The following NBPF11 variants were observed in gnomAD, a reference collection of about 807,000 sequenced individuals.
NBPF11 encodes NBPF member 11, also known as NBPF family member NBPF11.
A neutral mutation model predicts 93.9 loss-of-function variants in NBPF11; 72 were observed. The observed-to-expected ratio is 0.77, with a 90% CI of 0.63 to 0.93. NBPF11 has a LOEUF of 0.93. Among genes scored for constraint, NBPF11 ranks in the 40% least tolerant of loss-of-function variants. The pLI is 0.00. For synonymous variants in NBPF11, 224 were observed against 304.9 expected (o/e 0.73, Z 2.76); for missense variants, 705 against 802.2 (o/e 0.88, Z 1.46).
At chr1:148,106,907 G>C (rs1663784284) in intron 20 of NBPF11, 35 bp downstream of exon 20, 5 of 693,124 alleles carry the variant, frequency 7.2e-6, no homozygotes, top group Non-Finnish European at 1.3e-5. Context: ...GGAAGGCCAG[G>C]TGGAGGCTTA....
At chr1:148,127,850 G>T (rs2149255222) in intron 4 of NBPF11, among the ~76,000 whole-genome samples, 1 of 151,762 alleles carries the variant, frequency 6.6e-6, no homozygotes, top group South Asian at 2.1e-4. Flanking sequence ...TAGAGACGGG[G>T]TTTCACTGTG....
intron 4 of NBPF11, among the ~76,000 whole-genome samples, chr1:148,129,320 A>G (rs59159202): frequency 6.8e-6 from 1 of 147,514 alleles, no homozygotes; most frequent in Non-Finnish European, 1.5e-5. Flanking sequence ...TATTATATAT[A>G]TATTTTTTCT....
chr1:148,146,035 A>AT (rs1672949200), intron 1 of NBPF11, among the ~76,000 whole-genome samples: 1 of 152,092 alleles, frequency 6.6e-6, no homozygotes, highest in Non-Finnish European at 1.5e-5. Flanking sequence ...ACAGAAAAGC[A>AT]TATCAATGAA....
Position 148,122,093 on chromosome 1 carries a change from G to A in NBPF11, c.740C>T (p.Ser247Phe). 1 of 1,612,770 alleles carries A rather than the reference G, an allele frequency of 6.2e-7. No individual in the cohort carries two copies. The highest frequency in any genetic ancestry group is 1.1e-5 in the South Asian group (1 of 91,056). ...NSSLVVDRES[S>F]HDGCQDALNI... Reference sequence around the variant, plus strand: ...TAGAGCATCCTGACATCCATCATGAGAGGATTCTCTGTCTACAACCAGAGA... The same window carrying A: ...TAGAGCATCCTGACATCCATCATGAAAGGATTCTCTGTCTACAACCAGAGA... The change falls in exon 9 of 24, where the codon TCT (serine) becomes TTT (phenylalanine). Residue 247 changes from serine (S) to phenylalanine (F), a missense_variant. Coordinates refer to ENST00000682118, the MANE Select transcript of NBPF11 (RefSeq NM_001385469.3).
At chr1:148,123,569 CT>C (rs1668400839) in intron 7 of NBPF11, among the ~76,000 whole-genome samples, 1 of 151,446 alleles carries the variant, frequency 6.6e-6, no homozygotes, top group Admixed American at 6.6e-5. Context: ...AACAAGCGCC[CT>C]CCCATCACAG....
In NBPF11 at chr1:148,110,398, C is replaced by A. The variant is rs1664965074; in HGVS notation, c.1781G>T (p.Cys594Phe). Residue 594 changes from cysteine (C) to phenylalanine (F), a missense_variant, in exon 16 of 24, where the codon TGC (cysteine) becomes TTC (phenylalanine). By Grantham distance (205) the Cys-to-Phe change is radical (BLOSUM62 -2). Coordinates refer to ENST00000682118, the MANE Select transcript of NBPF11 (RefSeq NM_001385469.3). ...TFHSLEEQQV[C>F]MAVDIGRHRW... ...CTCACTGCCTATGTCAACAGCCATG[C>A]AGACTTGCTGTTCCTCTAATGAGTG... 2.5e-6 allele frequency: 4 copies of A among 1,593,222 alleles called. No individual in the cohort carries two copies. In the South Asian group the frequency reaches 4.4e-5, roughly 18 times the overall value.
In NBPF11 at chr1:148,118,307, G is replaced by T. The variant is rs1221545719; in HGVS notation, c.1091+313C>A. On this transcript the variant is annotated intron_variant, in intron 11 of 23. Coordinates refer to ENST00000682118, the MANE Select transcript of NBPF11 (RefSeq NM_001385469.3). ...TCACTAGGGTAAGTGGGGTGGTGAT[G>T]GCACACCATTTTGAGTATACTGAAT... 2.4e-3 allele frequency among the ~76,000 whole-genome samples: 366 copies of T among 152,018 alleles called. 3 individuals are homozygous for T. The highest frequency in any genetic ancestry group is 2.7e-3 in the Non-Finnish European group (183 of 68,012).
Position 148,118,711 on chromosome 1 carries a change from A to G in NBPF11, c.1000T>C (p.Cys334Arg). Reference sequence around the variant, plus strand: ...AGCATAGATTTTATGAGGTCTTTGCACTCTTCATATTCTGAGAAAAGACAG... The same window carrying G: ...AGCATAGATTTTATGAGGTCTTTGCGCTCTTCATATTCTGAGAAAAGACAG... ...KQQNKYKYEE[C>R]KDLIKSMLRN... is the part of the protein sequence containing the mutation. Residue 334 changes from cysteine to arginine, a missense_variant, in exon 11 of 24, where the codon TGC becomes CGC. Around this residue, in one of 12 missense-constraint regions of NBPF11, gnomAD observed 262 missense variants for 223.1 expected, o/e 1.17. Coordinates refer to ENST00000682118, the MANE Select transcript of NBPF11 (RefSeq NM_001385469.3). 3 of 1,612,176 alleles carry G rather than the reference A, an allele frequency of 1.9e-6. No individual in the cohort carries two copies. In the South Asian group the frequency reaches 3.3e-5, roughly 18 times the overall value.
At chr1:148,130,958 T>G (rs1253951279) in intron 4 of NBPF11, among the ~76,000 whole-genome samples, 18 of 151,964 alleles carry the variant, frequency 1.2e-4, no homozygotes, top group African/African-American at 1.7e-4. Context: ...GTCTTGTAAA[T>G]ACTGAGTAGT....
intron 15 of NBPF11, among the ~76,000 whole-genome samples, chr1:148,113,718 G>A (rs1464646409): frequency 1.4e-3 from 66 of 47,366 alleles, no homozygotes; most frequent in African/African-American, 5.7e-3. Flanking sequence ...CATAGTTGGA[G>A]GTAAAGCACT....
Position 148,116,537 on chromosome 1 carries a change from T to C in NBPF11, c.1307-2A>G. On this transcript the variant is annotated splice_acceptor_variant, in intron 12 of 23. Transcript: ENST00000682118. LOFTEE classifies it high-confidence loss of function. ...CTTCATCGTCATCGTTATCATTTTC[T>C]GTAAATACAGAAGTGTTCATTCAGA... The C allele has an allele frequency of 1.4e-6, 1 of 693,066 alleles. No homozygotes were observed. Among genetic ancestry groups the C allele is most frequent in the South Asian group, 1.6e-5 (1 of 62,380 alleles). 42.9% of individuals were successfully genotyped at this position (693,066 alleles called of 1,614,324 possible).
Position 148,103,727 on chromosome 1 carries a change from G to A in NBPF11, c.*169C>T. On this transcript the variant is annotated 3_prime_UTR_variant, in exon 24 of 24. Coordinates refer to ENST00000682118, the MANE Select transcript of NBPF11 (RefSeq NM_001385469.3). ...CAGGTGGAGACTTCTCACCGTCAAAGTAAAAAACCTATTGTCCATGTCAAG... is the reference window on the plus strand; with the variant it reads ...CAGGTGGAGACTTCTCACCGTCAAAATAAAAAACCTATTGTCCATGTCAAG... The A allele has an allele frequency of 6.2e-7, 1 of 1,611,524 alleles. No homozygotes were observed. Among genetic ancestry groups the A allele is most frequent in the South Asian group, 1.1e-5 (1 of 90,994 alleles).
At chr1:148,117,075 A>C (rs1397439745) in intron 12 of NBPF11, among the ~76,000 whole-genome samples, 3 of 151,992 alleles carry the variant, frequency 2.0e-5, no homozygotes, top group Non-Finnish European at 4.4e-5. Flanking sequence ...CACCACACGG[A>C]GAGGGGCTTC....
intron 1 of NBPF11, among the ~76,000 whole-genome samples, chr1:148,149,724 C>T (rs1260188030): frequency 7.3e-5 from 11 of 150,394 alleles, no homozygotes; most frequent in Admixed American, 2.6e-4. Flanking sequence ...AACAGAGCTA[C>T]GCACTCCTTT....
intron 1 of NBPF11, among the ~76,000 whole-genome samples, chr1:148,148,684 C>G (rs1217529271): frequency 1.3e-5 from 2 of 152,128 alleles, no homozygotes; most frequent in East Asian, 3.9e-4. Context: ...TGCCTGAATT[C>G]CTCATGGCCA....
chr1:148,103,968 C>A (rs1449483765), intron 23 of NBPF11, 56 bp from the exon 24 acceptor site: 6 of 1,609,710 alleles, frequency 3.7e-6, no homozygotes, highest in South Asian at 1.1e-5. Flanking sequence ...CACCACAGAG[C>A]CCCACTAGAT....
At chr1:148,144,130 C>T (rs1191123989) in intron 1 of NBPF11, among the ~76,000 whole-genome samples, 4 of 151,250 alleles carry the variant, frequency 2.6e-5, no homozygotes, top group Non-Finnish European at 4.4e-5. Flanking sequence ...AACAAGAATT[C>T]GATTCTTTCT....
intron 1 of NBPF11, chr1:148,149,518 G>A: frequency 1.9e-6 from 3 of 1,593,678 alleles, no homozygotes; most frequent in East Asian, 4.5e-5. Flanking sequence ...AGTACCTGGA[G>A]CGCCTGCGTC....
chr1:148,134,728 G>A (rs1233145193), intron 4 of NBPF11, among the ~76,000 whole-genome samples: 3 of 151,874 alleles, frequency 2.0e-5, no homozygotes, highest in African/African-American at 7.3e-5. Flanking sequence ...GTGCTACATG[G>A]CATTGGGGCT....
Sources: allele counts gnomAD v4.1 joint callset (sites outside exome capture counted in the v4.1 genomes callset), GRCh38; gene constraint gnomAD v4.1.1; regional missense constraint gnomAD v4.1.1; transcripts MANE v1.5; gene names NCBI Gene and HGNC (gene_info 2026-07-23, HGNC 2026-07-21).